The following SLC10A7 variants were observed in gnomAD, a reference collection of about 807,000 sequenced individuals.
The protein encoded by SLC10A7 is solute carrier family 10 member 7, also known as sodium/bile acid cotransporter 7.
Under a neutral mutation model 43.2 loss-of-function variants are expected in SLC10A7, and 29 were observed. The observed-to-expected ratio is 0.67, with a 90% CI of 0.50 to 0.92. SLC10A7 has a LOEUF of 0.92. Ranked by LOEUF, SLC10A7 falls within the 40% of genes least tolerant of loss-of-function variation. The pLI is 0.00. For missense variants in SLC10A7, 295 were observed against 403.2 expected, an observed-to-expected ratio of 0.73 and a Z score of 2.30; for synonymous variants, 152 against 144.8, an observed-to-expected ratio of 1.05 and a Z score of -0.35.
chr4:146,510,110 C>G, intron 2 of SLC10A7, 61 bp from the exon 3 acceptor site: 1 of 1,496,692 alleles, frequency 6.7e-7, no homozygotes, highest in Non-Finnish European at 9.0e-7. Context: ...AAAGGAGATC[C>G]CTACTAAAAT....
At chr4:146,304,351 C>T (rs536880086) in intron 7 of SLC10A7, among the ~76,000 whole-genome samples, 10 of 151,884 alleles carry the variant, frequency 6.6e-5, no homozygotes, top group African/African-American at 2.2e-4. Context: ...TCAAAAGTTG[C>T]AGAATAAGGT....
At chr4:146,320,307 G>A (rs984591867) in intron 6 of SLC10A7, among the ~76,000 whole-genome samples, 5 of 151,994 alleles carry the variant, frequency 3.3e-5, no homozygotes, top group Admixed American at 1.3e-4. Flanking sequence ...GTAGAGATGA[G>A]CAAGATTGTT....
At chr4:146,269,309 A>G (rs1156605896) in intron 10 of SLC10A7, among the ~76,000 whole-genome samples, 2 of 152,242 alleles carry the variant, frequency 1.3e-5, no homozygotes, top group Admixed American at 6.5e-5. Context: ...GTCTGACAGC[A>G]TTGTAGGAGT....
intron 5 of SLC10A7, among the ~76,000 whole-genome samples, chr4:146,364,650 G>A (rs2149769016): frequency 6.6e-6 from 1 of 152,210 alleles, no homozygotes; most frequent in South Asian, 2.1e-4. Context: ...GGAATAAAGA[G>A]GGATTGGTTA....
intron 5 of SLC10A7, among the ~76,000 whole-genome samples, chr4:146,361,453 C>T (rs1366148267): frequency 1.3e-5 from 2 of 152,066 alleles, no homozygotes; most frequent in South Asian, 2.1e-4. Flanking sequence ...GGAAATTCTC[C>T]CTTATTTCCA....
chr4:146,323,633 G>A (rs1732893811), intron 6 of SLC10A7, among the ~76,000 whole-genome samples: 1 of 152,130 alleles, frequency 6.6e-6, no homozygotes, highest in South Asian at 2.1e-4. Context: ...TAGCCTTGTA[G>A]TATATTTTGA....
intron 6 of SLC10A7, among the ~76,000 whole-genome samples, chr4:146,315,299 T>C (rs1183568481): frequency 6.6e-6 from 1 of 152,162 alleles, no homozygotes; most frequent in African/African-American, 2.4e-5. Flanking sequence ...TTTTCAAGTT[T>C]TAGAATCTCT....
intron 5 of SLC10A7, among the ~76,000 whole-genome samples, chr4:146,432,315 C>A (rs1203131157): frequency 1.3e-5 from 2 of 152,030 alleles, no homozygotes; most frequent in African/African-American, 2.4e-5. Context: ...TATACAAGAA[C>A]CTGTACAGAA....
Position 146,521,727 on chromosome 4 carries a change from G to A in SLC10A7, c.-10C>T, listed in dbSNP as rs762809856. The A allele has an allele frequency of 6.2e-7, 1 of 1,608,924 alleles. No individual in the cohort carries two copies. Among genetic ancestry groups the A allele is most frequent in the South Asian group, 1.1e-5 (1 of 90,926 alleles). ...TCTCCAGCAGCCTCATATTTGTTAGGGTGGGTGGGTTTTGTTTATTTGTTT... is the reference window on the plus strand; with the variant it reads ...TCTCCAGCAGCCTCATATTTGTTAGAGTGGGTGGGTTTTGTTTATTTGTTT... On this transcript the variant is annotated 5_prime_UTR_variant, in exon 1 of 12. Coordinates refer to ENST00000335472, the MANE Select transcript of SLC10A7 (RefSeq NM_001029998.6).
intron 4 of SLC10A7, among the ~76,000 whole-genome samples, chr4:146,455,767 G>A (rs1046380820): frequency 2.0e-5 from 3 of 151,802 alleles, no homozygotes; most frequent in Non-Finnish European, 4.4e-5. Context: ...ATGTCTTCAG[G>A]ATCAAACAGT....
intron 5 of SLC10A7, among the ~76,000 whole-genome samples, chr4:146,426,336 GA>G (rs1004324376): frequency 6.6e-6 from 1 of 152,126 alleles, no homozygotes; most frequent in Admixed American, 6.6e-5. Flanking sequence ...AGTAGAGAAA[GA>G]AAAACTTCTT....
chr4:146,303,371 CTTTCTTTTTTT>C (rs937362359), intron 7 of SLC10A7, among the ~76,000 whole-genome samples: 4 of 143,992 alleles, frequency 2.8e-5, no homozygotes, highest in African/African-American at 1.1e-4. Context: ...ATTTCTTTTT[CTTTCTTTTTTT>C]TTTTTTTTTG....
At chr4:146,268,835 G>GA (rs780698395) in intron 10 of SLC10A7, among the ~76,000 whole-genome samples, 20 of 152,146 alleles carry the variant, frequency 1.3e-4, no homozygotes, top group Non-Finnish European at 2.5e-4. Context: ...TACCTGAAAA[G>GA]AATTTGTCAG....
At position 146,360,614 on chromosome 4, in the gene SLC10A7, G is replaced by T. The variant is rs561192290; in HGVS notation, c.436-34618C>A. 1.4e-3 allele frequency among the ~76,000 whole-genome samples: 207 copies of T among 151,264 alleles called. 1 individual carries two copies. The East Asian group carries it at 0.027, about 20-fold the overall frequency. On this transcript the variant is annotated intron_variant, in intron 5 of 11. Transcript: ENST00000335472. ...CAACACCACACCTGGCTTTTTGTTT[G>T]TTTGTTTGTTTGTTTTTTTGTTAGT...
At chr4:146,424,098 C>T (rs149098398) in intron 5 of SLC10A7, among the ~76,000 whole-genome samples, 1 of 152,312 alleles carries the variant, frequency 6.6e-6, no homozygotes, top group African/African-American at 2.4e-5. Context: ...GTTGTCCAGG[C>T]TGGAGTGTAG....
rs182726530 is a variant in SLC10A7, at chr4:146,464,319, C to T, written c.397-21498G>A. On this transcript the variant is annotated intron_variant, in intron 4 of 11. Transcript: ENST00000335472. ...GCATTGTATGACTCATTTCATTAAA[C>T]ATATGTGCAGATTAAAAGGTTTGAA... 2.5e-3 allele frequency among the ~76,000 whole-genome samples: 384 copies of T among 152,208 alleles called. 3 individuals are homozygous for T. Among genetic ancestry groups the T allele is most frequent in the African/African-American group, 9.0e-3 (375 of 41,536 alleles).
chr4:146,286,394 G>GGAGTGGTGAGAAGGACTGTA (rs1578787379), intron 9 of SLC10A7, among the ~76,000 whole-genome samples: 139 of 148,814 alleles, frequency 9.3e-4, no homozygotes, highest in South Asian at 3.3e-3. Context: ...GAAGGACTGT[G>GGAGTGGTGAGAAGGACTGTA]TTTGGAGTGG....
intron 2 of SLC10A7, chr4:146,514,287 T>C (rs573902652): frequency 6.6e-6 from 1 of 152,382 alleles, no homozygotes; most frequent in Middle Eastern, 3.4e-3. Flanking sequence ...CTAAGTCTCC[T>C]GCTCACCTTT....
chr4:146,305,142 A>T (rs1400852603), intron 7 of SLC10A7, among the ~76,000 whole-genome samples: 2 of 151,002 alleles, frequency 1.3e-5, no homozygotes, highest in East Asian at 3.9e-4. Context: ...TTATTGCGAC[A>T]TTATTCACAA....
Sources: gnomAD v4.1 joint callset for allele counts (sites outside exome capture counted in the v4.1 genomes callset) on GRCh38, gnomAD v4.1.1 for gene constraint, MANE v1.5 for transcripts, NCBI Gene and HGNC (gene_info 2026-07-23, HGNC 2026-07-21) for gene names.